Variants in RBFOX1 observed in about 807,000 individuals in gnomAD.
RBFOX1 encodes the protein RNA binding protein fox-1 homolog 1.
RBFOX1 carries 8 observed loss-of-function variants against 57.7 expected under a neutral mutation model. That is an observed-to-expected ratio of 0.14 (90% confidence interval 0.08 to 0.25). The LOEUF is 0.25. Among genes scored for constraint, RBFOX1 ranks in the 10% least tolerant of loss-of-function variants. The pLI is 1.00. For missense variants in RBFOX1, 611 were observed against 548.5 expected, an observed-to-expected ratio of 1.11 and a Z score of -1.14; for synonymous variants, 326 against 222.4, an observed-to-expected ratio of 1.47 and a Z score of -4.15.
intron 1 of RBFOX1, among the ~76,000 whole-genome samples, chr16:5,369,951 G>C (rs1293520986): frequency 6.6e-6 from 1 of 152,116 alleles, no homozygotes; most frequent in Non-Finnish European, 1.5e-5. Context: ...GGGGTCATGG[G>C]GAGGCATCGC....
intron 4 of RBFOX1, among the ~76,000 whole-genome samples, chr16:7,315,083 G>A (rs1315294091): frequency 1.0e-5 from 1 of 95,952 alleles, no homozygotes; most frequent in Non-Finnish European, 2.1e-5. Flanking sequence ...TACCAGCAGA[G>A]AAAAGCTCTT....
intron 4 of RBFOX1, among the ~76,000 whole-genome samples, chr16:7,389,853 A>G (rs1639666517): frequency 1.3e-5 from 2 of 152,146 alleles, no homozygotes; most frequent in African/African-American, 2.4e-5. Flanking sequence ...TGCAAAATCC[A>G]TGAGTCCACT....
chr16:6,251,724 A>G (rs2097614219), intron 1 of RBFOX1, among the ~76,000 whole-genome samples: 1 of 152,108 alleles, frequency 6.6e-6, no homozygotes, highest in Non-Finnish European at 1.5e-5. Flanking sequence ...AAATGAATGA[A>G]AAAACTGGAC....
In RBFOX1 at chr16:5,406,907, G is replaced by T. The variant is rs186198912; in HGVS notation, c.220-60309G>T. Among the ~76,000 whole-genome samples, 4 of 152,274 alleles carry T rather than the reference G, an allele frequency of 2.6e-5. No individual in the cohort carries two copies. In the East Asian group the frequency reaches 7.7e-4, roughly 29 times the overall value. On this transcript the variant is annotated intron_variant, in intron 1 of 2. Transcript: ENST00000585867. ...AGTACCTGGTGACAGCAGTGTGTGT[G>T]ATGTGGGATTCATCTTGGAGGGAAG...
intron 2 of RBFOX1, among the ~76,000 whole-genome samples, chr16:5,496,606 G>A (rs1354376315): frequency 6.6e-6 from 1 of 151,898 alleles, no homozygotes. Flanking sequence ...CACAGATGTC[G>A]GCCACAGGGC....
chr16:7,515,683 C>T (rs1268650769), intron 4 of RBFOX1, among the ~76,000 whole-genome samples: 2 of 152,164 alleles, frequency 1.3e-5, no homozygotes, highest in African/African-American at 2.4e-5. Flanking sequence ...CTACAACAAA[C>T]AGGGATGGTG....
At chr16:6,856,842 T>C (rs118131523) in intron 3 of RBFOX1, among the ~76,000 whole-genome samples, 1,784 of 152,088 alleles carry the variant, frequency 0.012, 19 homozygotes, top group Non-Finnish European at 0.019. Flanking sequence ...GATTGACAGA[T>C]CCCTTAATTG....
intron 3 of RBFOX1, among the ~76,000 whole-genome samples, chr16:5,664,948 C>CCT (rs1555496931): frequency 0.011 from 1,604 of 146,926 alleles, 26 homozygotes; most frequent in African/African-American, 0.038. Flanking sequence ...TATCTCTGCT[C>CCT]TTTTTTTTTT....
At chr16:6,679,818 G>C (rs2058338465) in intron 3 of RBFOX1, among the ~76,000 whole-genome samples, 1 of 149,212 alleles carries the variant, frequency 6.7e-6, no homozygotes, top group African/African-American at 2.5e-5. Flanking sequence ...ATTCATCAGA[G>C]ATGCAGAGAA....
intron 3 of RBFOX1, among the ~76,000 whole-genome samples, chr16:6,974,269 G>T (rs1018180441): frequency 6.7e-6 from 1 of 149,520 alleles, no homozygotes; most frequent in Middle Eastern, 3.5e-3. Flanking sequence ...GGTACAGTTT[G>T]AGTTGGTGTC....
intron 1 of RBFOX1, among the ~76,000 whole-genome samples, chr16:5,357,058 T>A (rs2065409186): frequency 6.6e-6 from 1 of 152,212 alleles, no homozygotes; most frequent in African/African-American, 2.4e-5. Flanking sequence ...GATGACACAG[T>A]TCGACAGCAG....
At chr16:6,853,533 G>C (rs1229616855) in intron 3 of RBFOX1, among the ~76,000 whole-genome samples, 1 of 152,130 alleles carries the variant, frequency 6.6e-6, no homozygotes, top group South Asian at 2.1e-4. Flanking sequence ...GACAGTGGTA[G>C]ATGCTTTCAG....
chr16:5,359,656 A>C (rs964084577), intron 1 of RBFOX1, among the ~76,000 whole-genome samples: 1 of 152,042 alleles, frequency 6.6e-6, no homozygotes, highest in African/African-American at 2.4e-5. Context: ...TTTTTTGATC[A>C]GATTGTTAGA....
At position 7,344,360 on chromosome 16, in the gene RBFOX1, A is replaced by C. The variant is rs1343351898; in HGVS notation, c.28-173787A>C. Among the ~76,000 whole-genome samples, 3 of 150,022 alleles carry C rather than the reference A, an allele frequency of 2.0e-5. No individual in the cohort carries two copies. In the East Asian group the frequency reaches 5.8e-4, roughly 29 times the overall value. On this transcript the variant is annotated intron_variant, in intron 4 of 15. Coordinates refer to ENST00000550418, the MANE Select transcript of RBFOX1 (RefSeq NM_018723.4). Reference sequence around the variant, plus strand: ...TTGTTACATGATTATTTTATATTTTATATTATTTGTATTATGCATTATTCA... The same window carrying C: ...TTGTTACATGATTATTTTATATTTTCTATTATTTGTATTATGCATTATTCA...
chr16:5,763,567 T>A (rs965595426), intron 3 of RBFOX1, among the ~76,000 whole-genome samples: 3 of 152,270 alleles, frequency 2.0e-5, no homozygotes, highest in Admixed American at 6.5e-5. Flanking sequence ...CGATAGAACA[T>A]AATTGCTTTT....
At chr16:7,265,706 C>A (rs2095103352) in intron 4 of RBFOX1, among the ~76,000 whole-genome samples, 1 of 152,206 alleles carries the variant, frequency 6.6e-6, no homozygotes, top group Non-Finnish European at 1.5e-5. Flanking sequence ...GCCTTAGCCT[C>A]CCAGTGTGCT....
intron 2 of RBFOX1, among the ~76,000 whole-genome samples, chr16:6,399,708 C>A (rs1370230996): frequency 6.6e-6 from 1 of 152,036 alleles, no homozygotes; most frequent in Non-Finnish European, 1.5e-5. Context: ...ACCTCAATAA[C>A]AGCTTATGTA....
chr16:7,704,076 TACAAATGAG>T (rs1568571838), intron 14 of RBFOX1, among the ~76,000 whole-genome samples: 1 of 152,176 alleles, frequency 6.6e-6, no homozygotes, highest in Admixed American at 6.5e-5. Flanking sequence ...ACTACTGCTT[TACAAATGAG>T]GAAGATGAGG....
In RBFOX1 at chr16:5,458,192, A is replaced by C. The variant is rs543420781; in HGVS notation, c.220-9024A>C. On this transcript the variant is annotated intron_variant, in intron 1 of 2. Transcript: ENST00000585867. The stretch of plus-strand genomic sequence containing the variant: ...ATTAAATATATATTACATTTTAAAA[A>C]TTAAGTGCTGGATACTCTTTGCTTT... 2.6e-5 allele frequency among the ~76,000 whole-genome samples: 4 copies of C among 152,236 alleles called. No homozygotes were observed. The East Asian group carries it at 5.8e-4, about 22-fold the overall frequency.
Sources: allele counts gnomAD v4.1 joint callset (sites outside exome capture counted in the v4.1 genomes callset), GRCh38; gene constraint gnomAD v4.1.1; transcripts MANE v1.5; gene names NCBI Gene and HGNC (gene_info 2026-07-23, HGNC 2026-07-21).